GGT7: variants seen among roughly 807,000 people sequenced by gnomAD.
The protein encoded by GGT7 is gamma-glutamyltransferase 7.
Under a neutral mutation model 69.2 loss-of-function variants are expected in GGT7, and 30 were observed. That is an observed-to-expected ratio of 0.43 (90% CI 0.32 to 0.59). The LOEUF is 0.59. Among genes scored for constraint, GGT7 ranks in the 20% least tolerant of loss-of-function variants. GGT7 has a pLI of 0.05. For synonymous variants in GGT7, 388 were observed against 391.8 expected (o/e 0.99, Z 0.12); for missense variants, 733 against 901.1 (o/e 0.81, Z 2.39).
chr20:34,850,663 A>G (rs1253989529), intron 13 of GGT7: 3 of 352,098 alleles, frequency 8.5e-6, no homozygotes, highest in African/African-American at 2.1e-5. Flanking sequence ...TTTAAAGATG[A>G]AGAGACTGAG....
rs1568928616 is a variant in GGT7 at position 34,849,971 on chromosome 20, C to A, written c.1815G>T (p.Leu605=). 7.5e-6 allele frequency: 12 copies of A among 1,607,922 alleles called. No individual in the cohort carries two copies. The highest frequency in any genetic ancestry group is 1.0e-5 in the Non-Finnish European group (12 of 1,174,688). The change falls in exon 14 of 15, where the codon CTG becomes CTT. Residue 605 remains leucine (L), a synonymous_variant. Transcript: ENST00000336431. ...CTGCTCTGCACTCACTGTCCACCTG[C>A]AGGAGGTTGGACTGCAGGTCCGGGT... The part of the protein sequence containing the change: ...RLHPDLQSNL[L]QVDSEFTEEE...
intron 7 of GGT7, among the ~76,000 whole-genome samples, chr20:34,859,118 C>T (rs956646798): frequency 2.6e-5 from 4 of 151,696 alleles, no homozygotes; most frequent in African/African-American, 9.7e-5. Flanking sequence ...TGCAGTGAGC[C>T]AAGATCGCAC....
Position 34,870,484 on chromosome 20 carries a change from G to T in GGT7, c.169+2163C>A, listed in dbSNP as rs577339556. 4.1e-3 allele frequency among the ~76,000 whole-genome samples: 617 copies of T among 152,064 alleles called. 1 individual carries two copies. Among genetic ancestry groups the T allele is most frequent in the Non-Finnish European group, 6.6e-3 (450 of 67,938 alleles). On this transcript the variant is annotated intron_variant, in intron 1 of 14. Transcript: ENST00000336431. ...ATAAATAGAGATGAGGGTTTTTTTT[G>T]TTGTTGTTGTTTGTTTGTTTTTTTG...
At chr20:34,855,546 AC>A (rs1334985237) in intron 8 of GGT7, among the ~76,000 whole-genome samples, 8 of 152,304 alleles carry the variant, frequency 5.3e-5, no homozygotes, top group Non-Finnish European at 1.0e-4. Flanking sequence ...TGTTGAGACA[AC>A]CCAGGCTGGG....
chr20:34,863,205 C>A lies in GGT7; in HGVS notation c.405+108G>T. 1.1e-6 allele frequency: 1 copy of A among 905,450 alleles called. No individual in the cohort carries two copies. The highest frequency in any genetic ancestry group is 2.3e-5 in the Admixed American group (1 of 43,810). The allele number at this position is 905,450 out of a possible 1,614,324, so 56.1% of individuals were successfully genotyped here. ...GACCTTCCTCTCCCAAGTCACCACC[C>A]TCTCTCCCCTTCTACCACTCAGCCA... is the stretch of plus-strand genomic sequence containing the variant. On this transcript the variant is annotated intron_variant, in intron 2 of 14. Transcript: ENST00000336431. The surrounding 1 kb of genome is among the most constrained non-coding windows in gnomAD (Gnocchi z 4.4).
rs141380272 is a variant in GGT7 at position 34,848,851 on chromosome 20, T to C, written c.1825+1110A>G. Among the ~76,000 whole-genome samples the C allele has an allele frequency of 9.8e-4, 150 of 152,342 alleles. 3 individuals carry two copies. The East Asian group carries it at 0.025, about 26-fold the overall frequency. ...GTGTCTCAATCAATTCTGTATTCTT[T>C]TGGACTCGTGTCATATTAATACATT... On this transcript the variant is annotated intron_variant, in intron 14 of 14. Transcript: ENST00000336431.
chr20:34,858,178 A>G lies in GGT7; in HGVS notation c.1014+1265T>C, dbSNP rs571448020. On this transcript the variant is annotated intron_variant, in intron 7 of 14. Transcript: ENST00000336431. ...TTGCTGGAACTACTGGGAAGGAAAA[A>G]TGCTCTTTCTCTGGGATAGCTTGCT... Among the ~76,000 whole-genome samples the G allele has an allele frequency of 3.9e-5, 6 of 152,316 alleles. No homozygotes were observed. In the East Asian group the frequency reaches 1.2e-3, roughly 29 times the overall value.
intron 14 of GGT7, among the ~76,000 whole-genome samples, chr20:34,847,257 C>T (rs1415608708): frequency 1.3e-5 from 2 of 152,166 alleles, no homozygotes; most frequent in Admixed American, 6.6e-5. Context: ...AGTTCAGACC[C>T]TCATCATCTC....
intron 6 of GGT7, 104 bp from the exon 7 acceptor site, chr20:34,859,743 T>C (rs2079556967): frequency 2.0e-6 from 2 of 980,462 alleles, no homozygotes; most frequent in African/African-American, 1.6e-5. Context: ...CCACCCTAAG[T>C]GCCCTGACCC....
chr20:34,861,703 G>A, intron 3 of GGT7, 141 bp from the exon 4 acceptor site: 1 of 474,682 alleles, frequency 2.1e-6, no homozygotes, highest in South Asian at 7.3e-5. Context: ...TCCCTCCCCA[G>A]CATGGATTCA....
chr20:34,859,951 T>A lies in GGT7; in HGVS notation c.817+18A>T, dbSNP rs1372421764. 1 of 1,508,670 alleles carries A rather than the reference T, an allele frequency of 6.6e-7. No homozygotes were observed. The highest frequency in any genetic ancestry group is 9.0e-7 in the Non-Finnish European group (1 of 1,106,552). The allele number at this position is 1,508,670 out of a possible 1,614,324, so 93.5% of individuals were successfully genotyped here. ...CCATCAACCTCATGTCTCTCCCAAATCCCCAGGCCCCACTGACCTAGATCA... is the reference window on the plus strand; with the variant it reads ...CCATCAACCTCATGTCTCTCCCAAAACCCCAGGCCCCACTGACCTAGATCA... On this transcript the variant is annotated intron_variant, in intron 6 of 14. Transcript: ENST00000336431.
chr20:34,854,086 G>A (rs1052697889), intron 10 of GGT7, among the ~76,000 whole-genome samples: 5 of 152,084 alleles, frequency 3.3e-5, no homozygotes, highest in African/African-American at 1.2e-4. Flanking sequence ...ACAGGCACGC[G>A]CCACCACGCC....
At position 34,852,202 on chromosome 20, in the gene GGT7, C is replaced by T. The variant is rs764414645; in HGVS notation, c.1540G>A (p.Asp514Asn). Residue 514 changes from aspartate (D) to asparagine (N), a missense_variant, in exon 12 of 15, where the codon GAC becomes AAC. By Grantham distance (23) the Asp-to-Asn change is conservative. Transcript: ENST00000336431. Reference protein sequence around the residue: ...SGILLNSQMLDFSWPNRTANH... With the variant: ...SGILLNSQMLNFSWPNRTANH... The stretch of plus-strand genomic sequence containing the variant: ...GCTGTCCGGTTGGGCCAGGAGAAGT[C>T]CAGCATCTGGCTGTTGAGCAGGATC... 1 of 1,614,000 alleles carries T rather than the reference C, an allele frequency of 6.2e-7. No individual in the cohort carries two copies. Among genetic ancestry groups the T allele is most frequent in the Non-Finnish European group, 8.5e-7 (1 of 1,179,842 alleles).
chr20:34,871,940 C>T (rs918786173), intron 1 of GGT7, among the ~76,000 whole-genome samples: 3 of 152,154 alleles, frequency 2.0e-5, no homozygotes, highest in African/African-American at 7.2e-5. Context: ...ACCCCCACTT[C>T]TCACAATTCC....
chr20:34,855,577 A>G (rs567083779), intron 8 of GGT7, among the ~76,000 whole-genome samples: 3 of 152,198 alleles, frequency 2.0e-5, no homozygotes, highest in South Asian at 2.1e-4. Context: ...TGGAAAATCT[A>G]TATTCAGTGC....
intron 11 of GGT7, 46 bp downstream of exon 11, chr20:34,852,343 G>T (rs975781895): frequency 1.2e-6 from 2 of 1,610,706 alleles, no homozygotes; most frequent in African/African-American, 2.7e-5. Flanking sequence ...CCCCCTCTTG[G>T]TTCAGAGGAT....
In GGT7 at chr20:34,861,545, AC is replaced by A; in HGVS notation, c.574del (p.Val192TyrfsTer11). 1 of 1,505,502 alleles carries A rather than the reference AC, an allele frequency of 6.6e-7. No homozygotes were observed. Among genetic ancestry groups the A allele is most frequent in the Non-Finnish European group, 9.0e-7 (1 of 1,111,456 alleles). The allele number at this position is 1,505,502 out of a possible 1,614,324, so 93.3% of individuals were successfully genotyped here. ...GCTCTCATTTCGTCGGATGTCATGT[AC>A]CAGCATCACGCCCCCACTGGGAGAG... is the stretch of plus-strand genomic sequence containing the variant. The part of the protein sequence containing the change: ...SGLGGGGVML[V>X]HDIRRNESHL... On this transcript the variant is annotated frameshift_variant, in exon 4 of 15. Transcript: ENST00000336431. LOFTEE classifies it high-confidence loss of function.
intron 1 of GGT7, among the ~76,000 whole-genome samples, chr20:34,869,708 G>A (rs1395622628): frequency 6.6e-6 from 1 of 152,196 alleles, no homozygotes; most frequent in Non-Finnish European, 1.5e-5. Flanking sequence ...GAAATGAGAA[G>A]AAAAGGAGGA....
At chr20:34,867,741 G>A (rs761818229) in intron 1 of GGT7, among the ~76,000 whole-genome samples, 20 of 152,070 alleles carry the variant, frequency 1.3e-4, no homozygotes, top group Non-Finnish European at 2.6e-4. Flanking sequence ...AAAATAAAAT[G>A]AATAAGTGGC....
Sources: gnomAD v4.1 joint callset for allele counts (sites outside exome capture counted in the v4.1 genomes callset) on GRCh38, gnomAD v4.1.1 for gene constraint, Gnocchi (gnomAD v3.1) non-coding constraint, MANE v1.5 for transcripts, NCBI Gene and HGNC (gene_info 2026-07-23, HGNC 2026-07-21) for gene names.